The following ANKRD30BL variants were observed in gnomAD, a reference collection of about 807,000 sequenced individuals.
The protein encoded by ANKRD30BL is putative ankyrin repeat domain-containing protein 30B-like.
Under a neutral mutation model 18.4 loss-of-function variants are expected in ANKRD30BL, and 20 were observed. The observed-to-expected ratio is 1.09, with a 90% CI of 0.77 to 1.58. The LOEUF is 1.58. Ranked by LOEUF, ANKRD30BL falls within the 40% of genes most tolerant of loss-of-function variation. ANKRD30BL has a pLI of 0.00. For synonymous variants in ANKRD30BL, 72 were observed against 100.9 expected (o/e 0.71, Z 1.72); for missense variants, 224 against 268.6 (o/e 0.83, Z 1.16).
intron 1 of ANKRD30BL, among the ~76,000 whole-genome samples, chr2:132,210,188 C>A (rs138812842): frequency 7.8e-6 from 1 of 128,812 alleles, no homozygotes; most frequent in African/African-American, 3.0e-5. Flanking sequence ...ATAGTGGAAA[C>A]GGAAATATCT....
chr2:132,228,224 A>G (rs528167436), intron 1 of ANKRD30BL, among the ~76,000 whole-genome samples: 1 of 152,176 alleles, frequency 6.6e-6, no homozygotes, highest in African/African-American at 2.4e-5. Context: ...TAACATTTGG[A>G]GCGCTTTGAG....
At chr2:132,166,709 T>C (rs1176124147), upstream of ANKRD30BL, among the ~76,000 whole-genome samples, 2 of 152,114 alleles carry the variant, frequency 1.3e-5, no homozygotes, top group Non-Finnish European at 2.9e-5. Context: ...CTTTATTAGT[T>C]TGTCTAAATG....
chr2:132,179,735 C>A (rs1688429359), intron 1 of ANKRD30BL, among the ~76,000 whole-genome samples: 1 of 151,916 alleles, frequency 6.6e-6, no homozygotes, highest in Admixed American at 6.6e-5. Context: ...GTGTTATTGC[C>A]CCAAGGAACT....
At chr2:132,186,046 CAGG>C (rs904523751) in intron 1 of ANKRD30BL, among the ~76,000 whole-genome samples, 2 of 151,420 alleles carry the variant, frequency 1.3e-5, no homozygotes, top group African/African-American at 4.9e-5. Flanking sequence ...GAGGCTGAAG[CAGG>C]AGAACCACCT....
intron 1 of ANKRD30BL, among the ~76,000 whole-genome samples, chr2:132,256,004 G>A (rs1018076677): frequency 1.4e-4 from 21 of 152,296 alleles, no homozygotes; most frequent in African/African-American, 5.1e-4. Flanking sequence ...TGTGAAGGGG[G>A]TCAGTGCCCT....
At chr2:132,235,290 C>A (rs2104787733) in intron 1 of ANKRD30BL, among the ~76,000 whole-genome samples, 1 of 152,264 alleles carries the variant, frequency 6.6e-6, no homozygotes, top group African/African-American at 2.4e-5. Context: ...GACAGGGATG[C>A]CCTCTCTCAC....
intron 1 of ANKRD30BL, among the ~76,000 whole-genome samples, chr2:132,211,894 G>A (rs1227742677): frequency 1.8e-4 from 28 of 151,736 alleles, no homozygotes; most frequent in Non-Finnish European, 3.1e-4. Context: ...GCCTAAGGTG[G>A]AAAAGGAAAT....
At chr2:132,220,709 C>G (rs900101986) in intron 1 of ANKRD30BL, among the ~76,000 whole-genome samples, 6 of 152,202 alleles carry the variant, frequency 3.9e-5, no homozygotes, top group African/African-American at 1.4e-4. Context: ...GATCTCGGCT[C>G]GCTACAACCT....
chr2:132,212,115 TC>T (rs1405075545), intron 1 of ANKRD30BL, among the ~76,000 whole-genome samples: 3 of 151,998 alleles, frequency 2.0e-5, no homozygotes, highest in African/African-American at 7.2e-5. Context: ...TTTGAGAAGC[TC>T]CTTTGTGATG....
At chr2:132,215,432 C>T (rs1322697513) in intron 1 of ANKRD30BL, among the ~76,000 whole-genome samples, 1 of 152,230 alleles carries the variant, frequency 6.6e-6, no homozygotes, top group Admixed American at 6.5e-5. Context: ...TTGAACCTTA[C>T]TTTTGATTAA....
At chr2:132,181,756 G>C (rs1408754118) in intron 1 of ANKRD30BL, among the ~76,000 whole-genome samples, 1 of 152,152 alleles carries the variant, frequency 6.6e-6, no homozygotes, top group Non-Finnish European at 1.5e-5. Context: ...AATAACAAGG[G>C]AAAAATAGTA....
chr2:132,181,997 G>T (rs1246142120), intron 1 of ANKRD30BL, among the ~76,000 whole-genome samples: 1 of 152,068 alleles, frequency 6.6e-6, no homozygotes, highest in Non-Finnish European at 1.5e-5. Flanking sequence ...TGTAATCCCA[G>T]CTACTCTGGA....
At position 132,161,934 on chromosome 2, in the gene ANKRD30BL, C is replaced by G. The variant is rs1688081069; in HGVS notation, c.-229G>C. 1 of 533,364 alleles carries G rather than the reference C, an allele frequency of 1.9e-6. No homozygotes were observed. The highest frequency in any genetic ancestry group is 1.9e-5 in the African/African-American group (1 of 52,330). The allele number at this position is 533,364 out of a possible 1,614,324, so 33.0% of individuals were successfully genotyped here. A position where few individuals can be genotyped will look rare whatever the true frequency, so the allele number is the denominator to read the frequency against. ...TAGGCACCTGAGCAGAACCTTTAGG[C>G]AGCTGAGCAGAACCGTTAGGCAACA... On this transcript the variant is annotated 5_prime_UTR_variant, in exon 1 of 6. Coordinates refer to ENST00000409867, the MANE Select transcript of ANKRD30BL (RefSeq NM_001358416.1).
intron 4 of ANKRD30BL, among the ~76,000 whole-genome samples, chr2:132,154,035 C>T (rs948525769): frequency 1.6e-4 from 25 of 152,252 alleles, no homozygotes; most frequent in Middle Eastern, 6.8e-3. Flanking sequence ...AGCTAGAAGT[C>T]GGACAAGTGA....
intron 1 of ANKRD30BL, among the ~76,000 whole-genome samples, chr2:132,213,267 T>C (rs1304924214): frequency 6.6e-6 from 1 of 151,954 alleles, no homozygotes; most frequent in East Asian, 1.9e-4. Flanking sequence ...AAGTGGACAT[T>C]TGGAGCGATT....
intron 1 of ANKRD30BL, among the ~76,000 whole-genome samples, chr2:132,188,434 G>A (rs1381697976): frequency 1.3e-5 from 2 of 152,152 alleles, no homozygotes; most frequent in Non-Finnish European, 1.5e-5. Flanking sequence ...TCAAATTAGC[G>A]GGCAGGGCGC....
chr2:132,212,727 C>T (rs577926577), intron 1 of ANKRD30BL, among the ~76,000 whole-genome samples: 1 of 152,008 alleles, frequency 6.6e-6, no homozygotes, highest in Admixed American at 6.6e-5. Flanking sequence ...TTTCTTTGAG[C>T]ATCTTTGAAA....
chr2:132,175,810 G>A (rs552446433), intron 1 of ANKRD30BL, among the ~76,000 whole-genome samples: 2 of 152,234 alleles, frequency 1.3e-5, no homozygotes, highest in East Asian at 1.9e-4. Context: ...TGTTAACAAG[G>A]CACATCCTGC....
chr2:132,210,018 G>C (rs1356365338), intron 1 of ANKRD30BL, among the ~76,000 whole-genome samples: 2 of 151,820 alleles, frequency 1.3e-5, no homozygotes, highest in East Asian at 3.9e-4. Context: ...TGGTGGAAAA[G>C]GAAGTATCTT....
Sources: allele counts gnomAD v4.1 joint callset (sites outside exome capture counted in the v4.1 genomes callset), GRCh38; gene constraint gnomAD v4.1.1; transcripts MANE v1.5; gene names NCBI Gene and HGNC (gene_info 2026-07-23, HGNC 2026-07-21).